The following EIF4G3 variants were observed in gnomAD, a reference collection of about 807,000 sequenced individuals.
EIF4G3 encodes the protein eIF-4-gamma 3.
A neutral mutation model predicts 186.4 loss-of-function variants in EIF4G3; 34 were observed. That is an observed-to-expected ratio of 0.18 (90% confidence interval 0.14 to 0.24). EIF4G3 has a LOEUF of 0.24. Among genes scored for constraint, EIF4G3 ranks in the 10% least tolerant of loss-of-function variants. EIF4G3 has a pLI of 1.00. For synonymous variants in EIF4G3, 673 were observed against 679.5 expected (o/e 0.99, Z 0.15); for missense variants, 1,536 against 1,948.5 (o/e 0.79, Z 3.99).
intron 23 of EIF4G3, among the ~76,000 whole-genome samples, chr1:20,860,854 T>G (rs1165465558): frequency 6.6e-6 from 1 of 152,208 alleles, no homozygotes. Context: ...TGTATCAGTA[T>G]TTTGTACATT....
chr1:21,092,203 G>T (rs2096228840), intron 2 of EIF4G3, among the ~76,000 whole-genome samples: 1 of 152,120 alleles, frequency 6.6e-6, no homozygotes, highest in Non-Finnish European at 1.5e-5. Flanking sequence ...TAGCATGAAG[G>T]GCTGTTGAAT....
rs533633409 is a variant in EIF4G3, at chr1:20,899,867, G to A, written c.1829C>T (p.Pro610Leu). ...EQDKMSQGFH[P>L]ERDPSDLKKV... ...TTTTAGGTCAGAGGGGTCTCTTTCA[G>A]GATGAAACCCCTGGCTCATTTTATC... The change falls in exon 16 of 37, where the codon CCT becomes CTT. Residue 610 changes from proline to leucine, a missense_variant. Pro to Leu is a moderately conservative substitution (Grantham distance 98, BLOSUM62 -3). Transcript: ENST00000602326. 1.2e-6 allele frequency: 2 copies of A among 1,614,028 alleles called. No homozygotes were observed. The highest frequency in any genetic ancestry group is 1.3e-5 in the African/African-American group (1 of 74,998).
At chr1:21,050,794 G>A (rs1450519612) in intron 4 of EIF4G3, 72 bp downstream of exon 4, 1 of 670,896 alleles carries the variant, frequency 1.5e-6, no homozygotes, top group Non-Finnish European at 2.7e-6. Context: ...CTGCTTAGGA[G>A]TCTCTTTAGA....
intron 2 of EIF4G3, among the ~76,000 whole-genome samples, chr1:21,134,757 G>T (rs967524227): frequency 1.3e-5 from 2 of 152,150 alleles, no homozygotes; most frequent in South Asian, 4.1e-4. Context: ...AAAGAGAGGA[G>T]CAAGTGATCA....
In EIF4G3 at chr1:20,851,171, T is replaced by C. The variant is rs1169056338; in HGVS notation, c.3772+87A>G. 1.1e-5 allele frequency: 14 copies of C among 1,272,118 alleles called. No individual in the cohort carries two copies. In the East Asian group the frequency reaches 3.3e-4, roughly 30 times the overall value. The allele number at this position is 1,272,118 out of a possible 1,614,324, so 78.8% of individuals were successfully genotyped here. A position where few individuals can be genotyped will look rare whatever the true frequency, so the allele number is the denominator to read the frequency against. On this transcript the variant is annotated intron_variant, in intron 28 of 36. Transcript: ENST00000602326. ...ATGTGTTGCTATTATGTGTTAATTC[T>C]AAAATCTACTCAGGCACAGTCTCTT...
intron 12 of EIF4G3, among the ~76,000 whole-genome samples, chr1:20,966,100 C>G (rs776599474): frequency 6.6e-6 from 1 of 152,180 alleles, no homozygotes; most frequent in Non-Finnish European, 1.5e-5. Flanking sequence ...ATCTTAGTAA[C>G]AGGTCTTCTG....
At chr1:20,864,960 C>G (rs904367491) in intron 21 of EIF4G3, among the ~76,000 whole-genome samples, 156 bp downstream of exon 21, 15 of 152,066 alleles carry the variant, frequency 9.9e-5, no homozygotes, top group Non-Finnish European at 1.8e-4. Context: ...AGGAACAAAG[C>G]ATTCCCCTAA....
At chr1:20,947,980 G>A (rs531025741) in intron 13 of EIF4G3, among the ~76,000 whole-genome samples, 19 of 152,154 alleles carry the variant, frequency 1.2e-4, no homozygotes, top group African/African-American at 3.9e-4. Context: ...AATGGCAAAC[G>A]CAATAATACT....
At chr1:21,126,411 TC>T (rs2097046206) in intron 2 of EIF4G3, among the ~76,000 whole-genome samples, 1 of 151,760 alleles carries the variant, frequency 6.6e-6, no homozygotes, top group Admixed American at 6.6e-5. Context: ...AGGGAAACAT[TC>T]CCATTACTTT....
At chr1:21,163,504 G>C (rs1422759448) in intron 2 of EIF4G3, among the ~76,000 whole-genome samples, 1 of 152,190 alleles carries the variant, frequency 6.6e-6, no homozygotes, top group Non-Finnish European at 1.5e-5. Context: ...TATTGAGTAA[G>C]AGCTAAGCTG....
intron 4 of EIF4G3, among the ~76,000 whole-genome samples, chr1:21,022,919 T>C (rs1421725861): frequency 6.6e-6 from 1 of 152,204 alleles, no homozygotes; most frequent in Admixed American, 6.5e-5. Context: ...TTACTATGAA[T>C]AACAAGCTTT....
At chr1:21,022,530 C>T (rs1415117300) in intron 4 of EIF4G3, among the ~76,000 whole-genome samples, 1 of 152,208 alleles carries the variant, frequency 6.6e-6, no homozygotes, top group Non-Finnish European at 1.5e-5. Flanking sequence ...AAATTTCTAC[C>T]TCACCACAAC....
At chr1:20,868,505 G>GC (rs1280799496) in intron 20 of EIF4G3, among the ~76,000 whole-genome samples, 1 of 151,906 alleles carries the variant, frequency 6.6e-6, no homozygotes, top group Admixed American at 6.6e-5. Flanking sequence ...CCTAGTTACT[G>GC]CCCCCCACCC....
intron 4 of EIF4G3, among the ~76,000 whole-genome samples, chr1:21,038,213 A>G (rs1253458187): frequency 6.6e-6 from 1 of 152,240 alleles, no homozygotes. Context: ...CAACTATACT[A>G]TTCAAAGCTT....
chr1:20,880,462 C>T (rs1558051486), intron 19 of EIF4G3, among the ~76,000 whole-genome samples: 4 of 152,168 alleles, frequency 2.6e-5, no homozygotes, highest in Non-Finnish European at 4.4e-5. Flanking sequence ...TAGCCAAAAA[C>T]TAGCAAAAGG....
chr1:21,158,098 TCACTGAAAG>T (rs959370034), intron 2 of EIF4G3, among the ~76,000 whole-genome samples: 3 of 151,918 alleles, frequency 2.0e-5, no homozygotes, highest in African/African-American at 7.3e-5. Context: ...GCCTTCAATG[TCACTGAAAG>T]CACTGAAAGC....
intron 34 of EIF4G3, among the ~76,000 whole-genome samples, chr1:20,817,122 C>A (rs2061210694): frequency 7.2e-6 from 1 of 139,072 alleles, no homozygotes. Flanking sequence ...CCGCAGGGTC[C>A]TCTGCCTAGG....
intron 4 of EIF4G3, among the ~76,000 whole-genome samples, chr1:21,034,781 T>G (rs1430971364): frequency 6.6e-6 from 1 of 152,066 alleles, no homozygotes; most frequent in East Asian, 1.9e-4. Context: ...ACTTCGGCAG[T>G]AGGCTCAGAT....
intron 4 of EIF4G3, among the ~76,000 whole-genome samples, chr1:21,008,319 GT>G (rs1193703905): frequency 6.7e-6 from 1 of 150,074 alleles, no homozygotes; most frequent in African/African-American, 2.4e-5. Flanking sequence ...ATAGATGACT[GT>G]TTCACTTATT....
Sources: gnomAD v4.1 joint callset for allele counts (sites outside exome capture counted in the v4.1 genomes callset) on GRCh38, gnomAD v4.1.1 for gene constraint, MANE v1.5 for transcripts, NCBI Gene and HGNC (gene_info 2026-07-23, HGNC 2026-07-21) for gene names.